The following CNTN4 variants were observed in gnomAD, a reference collection of about 807,000 sequenced individuals.
CNTN4 encodes the protein contactin-4.
A neutral mutation model predicts 122.5 loss-of-function variants in CNTN4; 77 were observed. That is an observed-to-expected ratio of 0.63 (90% CI 0.52 to 0.76). The LOEUF (loss-of-function observed/expected upper bound fraction) is 0.76, where lower values mean the gene tolerates loss of function less well. Among genes scored for constraint, CNTN4 ranks in the 30% least tolerant of loss-of-function variants. The pLI, the probability that CNTN4 is intolerant of heterozygous loss-of-function variation, is 0.00. For missense variants in CNTN4, 1,256 were observed against 1,259.1 expected (o/e 1.00, Z 0.04); for synonymous variants, 512 against 447.0 (o/e 1.15, Z -1.83).
chr3:2,358,569 T>A (rs113547326), intron 3 of CNTN4, among the ~76,000 whole-genome samples: 299 of 152,128 alleles, frequency 2.0e-3, no homozygotes, highest in African/African-American at 5.2e-3. Flanking sequence ...AAGGAGGACA[T>A]GCTTTCCAGA....
intron 2 of CNTN4, among the ~76,000 whole-genome samples, chr3:2,126,955 G>T (rs2034204131): frequency 6.6e-6 from 1 of 152,188 alleles, no homozygotes. Context: ...TTCGAAACTA[G>T]AAGGTCCTTT....
At chr3:2,969,221 C>T (rs1197318423) in intron 13 of CNTN4, among the ~76,000 whole-genome samples, 15 of 152,142 alleles carry the variant, frequency 9.9e-5, no homozygotes, top group South Asian at 6.2e-4. Flanking sequence ...CCTGGTGAAA[C>T]GACAAATGAC....
rs565213513 is a variant in CNTN4 at position 3,013,354 on chromosome 3, T to C, written c.1487-12748T>C. Among the ~76,000 whole-genome samples the C allele has an allele frequency of 2.0e-3, 310 of 152,254 alleles. 2 individuals are homozygous for C. Among genetic ancestry groups the C allele is most frequent in the Non-Finnish European group, 3.7e-3 (252 of 68,010 alleles). ...TTTTATATATTTCATCATGATGACA[T>C]GTTTAGCAAAAGCTAGGTTAGTATC... On this transcript the variant is annotated intron_variant, in intron 14 of 24. Transcript: ENST00000418658.
intron 3 of CNTN4, among the ~76,000 whole-genome samples, chr3:2,374,572 A>G (rs1040922164): frequency 5.9e-5 from 9 of 152,084 alleles, no homozygotes; most frequent in African/African-American, 2.2e-4. Flanking sequence ...TCACTTGTCT[A>G]TGTGTGAAGT....
At chr3:2,421,891 C>G (rs1404083933) in intron 3 of CNTN4, among the ~76,000 whole-genome samples, 1 of 151,988 alleles carries the variant, frequency 6.6e-6, no homozygotes, top group Non-Finnish European at 1.5e-5. Context: ...ATAATTTGCT[C>G]AACAACACAC....
intron 3 of CNTN4, among the ~76,000 whole-genome samples, chr3:2,530,077 C>T (rs2077540749): frequency 6.6e-6 from 1 of 152,092 alleles, no homozygotes; most frequent in African/African-American, 2.4e-5. Flanking sequence ...TTACCTTCTG[C>T]TGTTACTAGT....
intron 4 of CNTN4, among the ~76,000 whole-genome samples, chr3:2,644,439 C>G (rs2083029565): frequency 6.6e-6 from 1 of 152,078 alleles, no homozygotes; most frequent in Non-Finnish European, 1.5e-5. Flanking sequence ...CAGAAACTCT[C>G]TTGAGTCTCA....
At chr3:2,193,417 A>C (rs2037682337) in intron 2 of CNTN4, among the ~76,000 whole-genome samples, 1 of 152,192 alleles carries the variant, frequency 6.6e-6, no homozygotes, top group South Asian at 2.1e-4. Flanking sequence ...TGGCTCATCA[A>C]CTTTATTCTT....
intron 2 of CNTN4, among the ~76,000 whole-genome samples, chr3:2,123,396 G>C (rs1476278515): frequency 6.6e-6 from 1 of 152,100 alleles, no homozygotes; most frequent in Non-Finnish European, 1.5e-5. Flanking sequence ...GAATCACTTG[G>C]CTTTACTAAT....
chr3:2,431,116 C>T (rs1053465658), intron 3 of CNTN4, among the ~76,000 whole-genome samples: 1 of 152,076 alleles, frequency 6.6e-6, no homozygotes, highest in Non-Finnish European at 1.5e-5. Context: ...CAGAGATATT[C>T]ATTGTAGCTT....
chr3:2,947,508 C>G (rs541881707), intron 13 of CNTN4, among the ~76,000 whole-genome samples: 4 of 152,226 alleles, frequency 2.6e-5, no homozygotes, highest in Non-Finnish European at 5.9e-5. Flanking sequence ...CCTAGTTCCT[C>G]ACATCTATAA....
At chr3:2,342,072 A>C (rs1179629838) in intron 3 of CNTN4, among the ~76,000 whole-genome samples, 1 of 152,238 alleles carries the variant, frequency 6.6e-6, no homozygotes, top group Non-Finnish European at 1.5e-5. Flanking sequence ...TGAATGGGCC[A>C]TTTAGATGTT....
At chr3:2,999,192 C>G (rs1695809298) in intron 14 of CNTN4, 2 of 152,154 alleles carry the variant, frequency 1.3e-5, no homozygotes, top group Admixed American at 6.5e-5. Context: ...TCATTAGTAT[C>G]TTTCTACCAG....
At position 3,003,695 on chromosome 3, in the gene CNTN4, A is replaced by C. The variant is rs530295698; in HGVS notation, c.1486+15223A>C. 1.0e-3 allele frequency among the ~76,000 whole-genome samples: 145 copies of C among 145,118 alleles called. 2 individuals carry two copies. The highest frequency in any genetic ancestry group is 3.5e-3 in the African/African-American group (130 of 37,164). On this transcript the variant is annotated intron_variant, in intron 14 of 24. Transcript: ENST00000418658. Reference sequence around the variant, plus strand: ...AGTCATGGTTGCACCAAAAAAAAAAAAAAAAAAAAAAAAAAAAAACAAAAA... The same window carrying C: ...AGTCATGGTTGCACCAAAAAAAAAACAAAAAAAAAAAAAAAAAAACAAAAA...
chr3:2,363,899 A>G (rs2045265746), intron 3 of CNTN4, among the ~76,000 whole-genome samples: 1 of 152,222 alleles, frequency 6.6e-6, no homozygotes, highest in Non-Finnish European at 1.5e-5. Flanking sequence ...TATAGCTTTA[A>G]TGTAGGTGAT....
chr3:2,324,417 G>A (rs372767689), intron 2 of CNTN4, among the ~76,000 whole-genome samples: 5 of 152,082 alleles, frequency 3.3e-5, no homozygotes, highest in East Asian at 3.9e-4. Flanking sequence ...TAACACTGTC[G>A]TCAGAGTTAT....
At chr3:2,458,951 G>A (rs73804600) in intron 3 of CNTN4, among the ~76,000 whole-genome samples, 5,115 of 152,130 alleles carry the variant, frequency 0.034, 278 homozygotes, top group African/African-American at 0.11. Context: ...CTTCCTTTCC[G>A]CCTAGCATGC....
intron 3 of CNTN4, among the ~76,000 whole-genome samples, chr3:2,546,615 T>C (rs2078256282): frequency 6.6e-6 from 1 of 152,084 alleles, no homozygotes; most frequent in Admixed American, 6.6e-5. Flanking sequence ...CTATGTAACA[T>C]GTTTGTTAAC....
chr3:2,129,978 C>A (rs1574899120), intron 2 of CNTN4, among the ~76,000 whole-genome samples: 1 of 151,790 alleles, frequency 6.6e-6, no homozygotes, highest in African/African-American at 2.4e-5. Context: ...TTGCTTGCAC[C>A]CAAAACTATT....
Sources: allele counts gnomAD v4.1 joint callset (sites outside exome capture counted in the v4.1 genomes callset), GRCh38; gene constraint gnomAD v4.1.1; transcripts MANE v1.5; gene names NCBI Gene and HGNC (gene_info 2026-07-23, HGNC 2026-07-21).